CMIP: variants seen among roughly 807,000 people sequenced by gnomAD.
CMIP encodes the protein c-Maf inducing protein.
In CMIP, 13 loss-of-function variants were observed where a neutral mutation model predicts 97.3. The observed-to-expected ratio is 0.13, with a 90% confidence interval of 0.09 to 0.21. The LOEUF is 0.21. CMIP is among the 10% of genes least tolerant of loss of function. The pLI is 1.00. For synonymous variants in CMIP, 538 were observed against 436.3 expected (o/e 1.23, Z -2.91); for missense variants, 847 against 1,024.9 (o/e 0.83, Z 2.37).
intron 1 of CMIP, among the ~76,000 whole-genome samples, chr16:81,572,546 C>T (rs966381545): frequency 6.6e-6 from 1 of 152,236 alleles, no homozygotes; most frequent in Non-Finnish European, 1.5e-5. Context: ...TTCTTTGTTT[C>T]CTTCCCTGAC....
chr16:81,575,900 G>C (rs1276633245), intron 1 of CMIP, among the ~76,000 whole-genome samples: 2 of 152,124 alleles, frequency 1.3e-5, no homozygotes, highest in Non-Finnish European at 2.9e-5. Context: ...ACAAACACTT[G>C]GATACATTTA....
At chr16:81,543,724 A>G (rs761254695) in intron 1 of CMIP, among the ~76,000 whole-genome samples, 1 of 152,206 alleles carries the variant, frequency 6.6e-6, no homozygotes, top group Non-Finnish European at 1.5e-5. Context: ...CTAACAAAGG[A>G]TGGGGATTTA....
At chr16:81,558,502 A>G (rs2090813109) in intron 1 of CMIP, among the ~76,000 whole-genome samples, 1 of 152,214 alleles carries the variant, frequency 6.6e-6, no homozygotes, top group African/African-American at 2.4e-5. Context: ...AACAGCATGT[A>G]GAGACCAGGG....
chr16:81,509,949 C>A (rs955379235), intron 1 of CMIP, among the ~76,000 whole-genome samples: 2 of 152,206 alleles, frequency 1.3e-5, no homozygotes, highest in Admixed American at 1.3e-4. Context: ...CCTGCCCTCA[C>A]GGAGAAGTCC....
chr16:81,645,167 C>G (rs1467504567), intron 3 of CMIP, among the ~76,000 whole-genome samples: 1 of 152,250 alleles, frequency 6.6e-6, no homozygotes, highest in African/African-American at 2.4e-5. Context: ...GCGTAGCCAC[C>G]TGGGGCTGGT....
intron 1 of CMIP, among the ~76,000 whole-genome samples, chr16:81,475,674 A>G (rs2927333): frequency 0.44 from 66,693 of 151,972 alleles, 16,619 homozygotes; most frequent in African/African-American, 0.7. Flanking sequence ...TACAGAAGGA[A>G]CGGTCTGATG....
Position 81,667,766 on chromosome 16 carries a change from A to AAGAGAGAGAGAGAGAGAG in CMIP, c.826-2359_826-2342dup, listed in dbSNP as rs59388984. Among the ~76,000 whole-genome samples, 16 of 85,136 alleles carry AAGAGAGAGAGAGAGAGAG rather than the reference A, an allele frequency of 1.9e-4. 1 individual carries two copies. Among genetic ancestry groups the AAGAGAGAGAGAGAGAGAG allele is most frequent in the South Asian group, 4.8e-4 (1 of 2,074 alleles). The allele number at this position is 85,136 out of a possible 152,430, so 55.9% of individuals were successfully genotyped here. On this transcript the variant is annotated intron_variant, in intron 7 of 20. Coordinates refer to ENST00000537098, the MANE Select transcript of CMIP (RefSeq NM_198390.3). ...CAGGAGGGAGGGAGGGAGGGAGAGA[A>AAGAGAGAGAGAGAGAGAG]AGAGAGAGAGAGAGAGAGAGAGAGA...
chr16:81,593,420 G>T (rs561057709), intron 1 of CMIP, among the ~76,000 whole-genome samples: 8 of 152,224 alleles, frequency 5.3e-5, no homozygotes, highest in Middle Eastern at 3.4e-3. Context: ...CCTGTGATGC[G>T]CAGGTGCCAT....
At chr16:81,574,050 C>A (rs754022587) in intron 1 of CMIP, among the ~76,000 whole-genome samples, 1 of 152,224 alleles carries the variant, frequency 6.6e-6, no homozygotes, top group African/African-American at 2.4e-5. Context: ...TGTGCCTGTT[C>A]TATGCTAAAT....
intron 1 of CMIP, among the ~76,000 whole-genome samples, chr16:81,601,249 A>G (rs972733352): frequency 6.6e-6 from 1 of 152,130 alleles, no homozygotes; most frequent in Non-Finnish European, 1.5e-5. Context: ...TCCCTGGCAC[A>G]TGTTTTGAGT....
intron 9 of CMIP, among the ~76,000 whole-genome samples, chr16:81,673,319 C>T (rs778726465): frequency 3.6e-4 from 55 of 152,172 alleles, no homozygotes; most frequent in Non-Finnish European, 8.1e-4. Flanking sequence ...AGTTGGAGAC[C>T]AGCCTGGCCA....
intron 1 of CMIP, among the ~76,000 whole-genome samples, chr16:81,507,092 A>T (rs867882510): frequency 6.4e-4 from 97 of 151,568 alleles, no homozygotes; most frequent in African/African-American, 2.2e-3. Flanking sequence ...CTGTACTAAA[A>T]AAAATACAAA....
intron 1 of CMIP, among the ~76,000 whole-genome samples, chr16:81,599,013 T>C (rs939098064): frequency 1.1e-4 from 17 of 148,004 alleles, no homozygotes; most frequent in African/African-American, 4.3e-4. Context: ...TTTGAGGGCC[T>C]GGCATGGGGG....
rs192339336 is a variant in CMIP, at chr16:81,679,951, C to T, written c.1388+1323C>T. 2.0e-5 allele frequency among the ~76,000 whole-genome samples: 3 copies of T among 152,360 alleles called. No individual in the cohort carries two copies. In the East Asian group the frequency reaches 5.8e-4, roughly 29 times the overall value. On this transcript the variant is annotated intron_variant, in intron 10 of 20. Coordinates refer to ENST00000537098, the MANE Select transcript of CMIP (RefSeq NM_198390.3). ...GCAGACACTCAGCAGACACCTCCCC[C>T]TTTCTCGCTCCACAAACTCCTTCCT... is the stretch of plus-strand genomic sequence containing the variant.
Position 81,627,920 on chromosome 16 carries a change from G to A in CMIP, c.477+6994G>A, listed in dbSNP as rs1360161995. ...CAAAGTGCCTGGGGCTCAGAGAGGG[G>A]AAGCCCACCTGACGGGAAGCTGAGG... On this transcript the variant is annotated intron_variant, in intron 3 of 20. Transcript: ENST00000537098. This position sits in a 1 kb window ranked among gnomAD's most constrained non-coding sequence, Gnocchi z 4.6. 2.6e-5 allele frequency among the ~76,000 whole-genome samples: 4 copies of A among 152,152 alleles called. No homozygotes were observed. The highest frequency in any genetic ancestry group is 9.7e-5 in the African/African-American group (4 of 41,414).
At chr16:81,466,073 T>C (rs189718458) in intron 1 of CMIP, among the ~76,000 whole-genome samples, 2 of 152,178 alleles carry the variant, frequency 1.3e-5, no homozygotes, top group Non-Finnish European at 2.9e-5. Flanking sequence ...TTTGTCTTAT[T>C]TTTTTGAGGT....
chr16:81,577,070 C>G (rs558694538), intron 1 of CMIP, among the ~76,000 whole-genome samples: 2,717 of 145,724 alleles, frequency 0.019, 121 homozygotes, highest in African/African-American at 0.068. Context: ...TTTATCACCA[C>G]CATCATCCCC....
chr16:81,570,797 G>A (rs187913449), intron 1 of CMIP, among the ~76,000 whole-genome samples: 26 of 152,236 alleles, frequency 1.7e-4, no homozygotes, highest in Admixed American at 5.2e-4. Context: ...CCTTTGGGTC[G>A]TTAGTCCTCC....
At chr16:81,653,524 G>T (rs2092451396) in intron 4 of CMIP, among the ~76,000 whole-genome samples, 1 of 152,250 alleles carries the variant, frequency 6.6e-6, no homozygotes, top group African/African-American at 2.4e-5. Context: ...AAAAACCCAG[G>T]CTGGGAAATG....
Sources: allele counts gnomAD v4.1 joint callset (sites outside exome capture counted in the v4.1 genomes callset), GRCh38; gene constraint gnomAD v4.1.1; non-coding constraint Gnocchi (gnomAD v3.1); transcripts MANE v1.5; gene names NCBI Gene and HGNC (gene_info 2026-07-23, HGNC 2026-07-21).